The following ANKRD7 variants were observed in gnomAD, a reference collection of about 807,000 sequenced individuals.
ANKRD7 encodes the protein ankyrin repeat domain 7.
In ANKRD7, 30 loss-of-function variants were observed where a neutral mutation model predicts 30.8. That is an observed-to-expected ratio of 0.97 (90% CI 0.73 to 1.32). The LOEUF is 1.32. ANKRD7 is among the 40% of genes most tolerant of loss of function. The pLI is 0.00. For synonymous variants in ANKRD7, 97 were observed against 106.6 expected (o/e 0.91, Z 0.55); for missense variants, 264 against 295.7 (o/e 0.89, Z 0.79).
At chr7:118,236,179 A>G in intron 4 of ANKRD7, 32 bp downstream of exon 4, 1 of 1,309,840 alleles carries the variant, frequency 7.6e-7, no homozygotes, top group Non-Finnish European at 1.1e-6. Flanking sequence ...GCACATAACT[A>G]AAGCTACCTG....
At chr7:118,232,620 T>G (rs1026093057) in intron 1 of ANKRD7, among the ~76,000 whole-genome samples, 1 of 151,996 alleles carries the variant, frequency 6.6e-6, no homozygotes, top group African/African-American at 2.4e-5. Flanking sequence ...AGGTTTTAGA[T>G]TCAGTTGGTG....
At chr7:118,239,813 C>A in intron 5 of ANKRD7, 96 bp from the exon 6 acceptor site, 2 of 627,240 alleles carry the variant, frequency 3.2e-6, no homozygotes, top group East Asian at 3.3e-5. Context: ...ATTCTTGGGG[C>A]AGCATTGGCT....
At chr7:118,237,088 A>G (rs532546867) in intron 5 of ANKRD7, among the ~76,000 whole-genome samples, 162 bp downstream of exon 5, 5 of 152,198 alleles carry the variant, frequency 3.3e-5, no homozygotes, top group African/African-American at 7.2e-5. Context: ...GGTTCAATCA[A>G]TATAAGGGCT....
At chr7:118,236,210 A>ATGTGTGTGTGTG (rs3993811) in intron 4 of ANKRD7, 63 bp downstream of exon 4, 6,244 of 605,810 alleles carry the variant, frequency 0.01, 287 homozygotes, top group African/African-American at 0.1. Flanking sequence ...GTGTGTGCGT[A>ATGTGTGTGTGTG]TGTGTGTGTG....
chr7:118,224,795 T>A lies in ANKRD7; in HGVS notation c.-36T>A. On this transcript the variant is annotated 5_prime_UTR_variant, in exon 1 of 7. Coordinates refer to ENST00000265224, the MANE Select transcript of ANKRD7 (RefSeq NM_019644.4). ...CGGACGGCTAGGAGTTCAAGAAACATCCTGGTCTGAGGGAAAGGCTGCAGC... is the reference window on the plus strand; with the variant it reads ...CGGACGGCTAGGAGTTCAAGAAACAACCTGGTCTGAGGGAAAGGCTGCAGC... The A allele has an allele frequency of 1.9e-6, 3 of 1,591,894 alleles. 1 individual carries two copies. Among genetic ancestry groups the A allele is most frequent in the Non-Finnish European group, 2.6e-6 (3 of 1,171,666 alleles).
At chr7:118,235,110 A>G (rs549635740) in intron 3 of ANKRD7, among the ~76,000 whole-genome samples, 2 of 152,304 alleles carry the variant, frequency 1.3e-5, no homozygotes, top group South Asian at 4.1e-4. Flanking sequence ...ATATTTAACA[A>G]CTATAATTGT....
rs1464185124 is a variant in ANKRD7, at chr7:118,224,994, A to C, written c.164A>C (p.Gln55Pro). The change falls in exon 1 of 7, where the codon CAG becomes CCG. Residue 55 changes from glutamine to proline, a missense_variant. Physicochemically the swap from Gln to Pro is moderately conservative, Grantham distance 76. Coordinates refer to ENST00000265224, the MANE Select transcript of ANKRD7 (RefSeq NM_019644.4). ...ATCAAGAAATATGATGTAAATATGC[A>C]GGACAAAAAATACAGGTGACCAGAC... is the stretch of plus-strand genomic sequence containing the variant. ...LQIKKYDVNM[Q>P]DKKYRTPLHL... 1.2e-6 allele frequency: 2 copies of C among 1,613,788 alleles called. No individual in the cohort carries two copies. The highest frequency in any genetic ancestry group is 1.7e-6 in the Non-Finnish European group (2 of 1,179,902).
At chr7:118,231,412 A>G (rs574951789) in intron 1 of ANKRD7, among the ~76,000 whole-genome samples, 1 of 152,172 alleles carries the variant, frequency 6.6e-6, no homozygotes, top group African/African-American at 2.4e-5. Context: ...CCAATTCTAA[A>G]TTAATACCTT....
At chr7:118,240,744 TTAATA>T (rs1369082656) in intron 6 of ANKRD7, among the ~76,000 whole-genome samples, 7 of 152,274 alleles carry the variant, frequency 4.6e-5, no homozygotes, top group African/African-American at 1.4e-4. Flanking sequence ...TTGATAGTAG[TTAATA>T]TAAGATATAC....
chr7:118,230,828 T>A (rs1464654884), intron 1 of ANKRD7, among the ~76,000 whole-genome samples: 4 of 152,054 alleles, frequency 2.6e-5, no homozygotes, highest in African/African-American at 9.7e-5. Flanking sequence ...TACAATGTTT[T>A]ATCAAATGTT....
intron 2 of ANKRD7, 74 bp from the exon 3 acceptor site, chr7:118,234,627 C>G (rs1189960299): frequency 1.3e-6 from 2 of 1,554,272 alleles, no homozygotes; most frequent in African/African-American, 2.8e-5. Flanking sequence ...TGTTTTAAAA[C>G]ATAGTATCAA....
At chr7:118,237,379 A>G (rs1481019598) in intron 5 of ANKRD7, among the ~76,000 whole-genome samples, 3 of 152,194 alleles carry the variant, frequency 2.0e-5, no homozygotes, top group East Asian at 1.9e-4. Flanking sequence ...CACCCAAAAG[A>G]AAAACTATTT....
intron 1 of ANKRD7, among the ~76,000 whole-genome samples, chr7:118,230,938 T>C (rs2116003678): frequency 6.6e-6 from 1 of 152,070 alleles, no homozygotes; most frequent in South Asian, 2.1e-4. Flanking sequence ...TTTTTAGATA[T>C]GTTTTCTAGT....
rs3061682 is a variant in ANKRD7, at chr7:118,241,521, C to CTTT, written c.*38-802_*38-800dup. 2.4e-3 allele frequency among the ~76,000 whole-genome samples: 200 copies of CTTT among 84,518 alleles called. 1 individual carries two copies. Among genetic ancestry groups the CTTT allele is most frequent in the Non-Finnish European group, 2.6e-3 (114 of 43,352 alleles). 55.4% of individuals were successfully genotyped at this position (84,518 alleles called of 152,430 possible). On this transcript the variant is annotated intron_variant, in intron 6 of 6. Coordinates refer to ENST00000265224, the MANE Select transcript of ANKRD7 (RefSeq NM_019644.4). ...TTAGGGGAGAATTTCTCTGAATTAC[C>CTTT]TTTTTTTTTTTTTTTTTTTTTTTTT...
chr7:118,239,983 A>G lies in ANKRD7; in HGVS notation c.*22A>G. The G allele has an allele frequency of 1.3e-6, 2 of 1,547,128 alleles. No individual in the cohort carries two copies. Among genetic ancestry groups the G allele is most frequent in the Non-Finnish European group, 8.8e-7 (1 of 1,140,302 alleles). ...ATAGACACCTTATTCTTGGCACTAC[A>G]TGTGACTAAAGGAAGGTAAGATTGC... On this transcript the variant is annotated 3_prime_UTR_variant, in exon 6 of 7. Transcript: ENST00000265224.
At chr7:118,241,160 CAAAAAAAAAAAAAA>C (rs60703234) in intron 6 of ANKRD7, among the ~76,000 whole-genome samples, 2 of 21,848 alleles carry the variant, frequency 9.2e-5, no homozygotes, top group African/African-American at 2.8e-4. Flanking sequence ...GACTCCGTCT[CAAAAAAAAAAAAAA>C]AAAAAAAAAA....
chr7:118,231,344 T>C (rs1809635618), intron 1 of ANKRD7, among the ~76,000 whole-genome samples: 1 of 152,048 alleles, frequency 6.6e-6, no homozygotes, highest in African/African-American at 2.4e-5. Context: ...TAAAATCACT[T>C]TTATGGTTTT....
At chr7:118,232,439 T>A (rs1281465422) in intron 1 of ANKRD7, among the ~76,000 whole-genome samples, 1 of 152,084 alleles carries the variant, frequency 6.6e-6, no homozygotes, top group Non-Finnish European at 1.5e-5. Context: ...AAAGCTAGAT[T>A]AGTTCTTGTT....
intron 1 of ANKRD7, among the ~76,000 whole-genome samples, chr7:118,229,552 A>G (rs952758701): frequency 1.3e-5 from 2 of 152,128 alleles, no homozygotes; most frequent in Non-Finnish European, 2.9e-5. Flanking sequence ...TACACATATA[A>G]ATGGGAGAAC....
Sources: allele counts gnomAD v4.1 joint callset (sites outside exome capture counted in the v4.1 genomes callset), GRCh38; gene constraint gnomAD v4.1.1; transcripts MANE v1.5; gene names NCBI Gene and HGNC (gene_info 2026-07-23, HGNC 2026-07-21).